The following PADI3 variants were observed in gnomAD, a reference collection of about 807,000 sequenced individuals.
PADI3 encodes protein-arginine deiminase type-3.
A neutral mutation model predicts 71.5 loss-of-function variants in PADI3; 53 were observed. That is an observed-to-expected ratio of 0.74 (90% CI 0.59 to 0.93). PADI3 has a LOEUF of 0.93. Ranked by LOEUF, PADI3 falls within the 40% of genes least tolerant of loss-of-function variation. The probability of loss-of-function intolerance (pLI) is 0.00; values close to 1 mark genes in which losing one functional copy is unlikely to be tolerated. For missense variants in PADI3, 821 were observed against 868.0 expected, an observed-to-expected ratio of 0.95 and a Z score of 0.68; for synonymous variants, 361 against 347.5, an observed-to-expected ratio of 1.04 and a Z score of -0.43.
At chr1:17,271,968 C>A (rs981561884) in intron 9 of PADI3, among the ~76,000 whole-genome samples, 1 of 152,034 alleles carries the variant, frequency 6.6e-6, no homozygotes, top group Non-Finnish European at 1.5e-5. Flanking sequence ...TCAGTGAAGA[C>A]CTCCAGGAGG....
chr1:17,280,854 G>A (rs1354264664), intron 15 of PADI3, 58 bp downstream of exon 15: 2 of 1,592,426 alleles, frequency 1.3e-6, no homozygotes, highest in Non-Finnish European at 1.7e-6. Context: ...CTAAGCTCGA[G>A]AGAGGAAAAA....
chr1:17,265,325 G>C (rs987335568), intron 3 of PADI3, among the ~76,000 whole-genome samples: 1 of 151,810 alleles, frequency 6.6e-6, no homozygotes, highest in Admixed American at 6.5e-5. Flanking sequence ...ATTCCAAGGA[G>C]ATGAGGCAGC....
In PADI3 at chr1:17,267,961, C is replaced by T. The variant is rs142357785; in HGVS notation, c.651C>T (p.Cys217=). The change falls in exon 6 of 16, where the codon TGC becomes TGT. Residue 217 remains cysteine (C), a splice_region_variant and synonymous_variant. Transcript: ENST00000375460. The stretch of plus-strand genomic sequence containing the variant: ...AACGGGCACAGGTCTTCCACATCTG[C>T]GGTGAGTTTGTGCCACTGCCCCTTG... The part of the protein sequence containing the change: ...DAKRAQVFHI[C]GPEDVCEAYR... 4.9e-4 allele frequency: 794 copies of T among 1,614,070 alleles called. No individual in the cohort carries two copies. The highest frequency in any genetic ancestry group is 5.9e-4 in the Non-Finnish European group (695 of 1,180,026).
intron 9 of PADI3, among the ~76,000 whole-genome samples, chr1:17,271,672 C>T (rs1319341226): frequency 6.6e-6 from 1 of 151,560 alleles, no homozygotes. Flanking sequence ...CATGGTGAAA[C>T]CCTGTCTCTG....
intron 11 of PADI3, among the ~76,000 whole-genome samples, 200 bp downstream of exon 11, chr1:17,274,986 G>A (rs569816137): frequency 6.6e-6 from 1 of 152,308 alleles, no homozygotes; most frequent in South Asian, 2.1e-4. Flanking sequence ...TGAAACCAGA[G>A]AGAGCAGAGA....
Position 17,259,766 on chromosome 1 carries a change from G to T in PADI3, c.273+8G>T, listed in dbSNP as rs2073080558. On this transcript the variant is annotated splice_region_variant and intron_variant, in intron 2 of 15. Transcript: ENST00000375460. The stretch of plus-strand genomic sequence containing the variant: ...GACCTCAACGACAGCCATGTGAGCT[G>T]GTCCCTGGTGGGGTGGGGAGAGGTT... 6.3e-7 allele frequency: 1 copy of T among 1,590,560 alleles called. No homozygotes were observed. The highest frequency in any genetic ancestry group is 8.6e-7 in the Non-Finnish European group (1 of 1,164,236).
At chr1:17,273,972 TGC>T (rs1405124288) in intron 10 of PADI3, among the ~76,000 whole-genome samples, 2 of 152,176 alleles carry the variant, frequency 1.3e-5, no homozygotes, top group African/African-American at 2.4e-5. Context: ...GGAGTGTGTG[TGC>T]GCGCACCACT....
At chr1:17,271,438 C>T (rs1324913748) in intron 9 of PADI3, among the ~76,000 whole-genome samples, 1 of 152,238 alleles carries the variant, frequency 6.6e-6, no homozygotes, top group African/African-American at 2.4e-5. Context: ...GTGTGAGACA[C>T]ACACTCCCTG....
In PADI3 at chr1:17,262,117, G is replaced by A. The variant is rs79862987; in HGVS notation, c.274-16G>A. The A allele has an allele frequency of 6.3e-3, 10,171 of 1,611,346 alleles. 69 individuals are homozygous for A. Among genetic ancestry groups the A allele is most frequent in the Middle Eastern group, 0.029 (174 of 6,054 alleles). On this transcript the variant is annotated splice_polypyrimidine_tract_variant and intron_variant, in intron 2 of 15. Transcript: ENST00000375460. ...TTGGCTTCTGCTGGTATTACTCTGC[G>A]CCCAACTCTCCACAGGTTCAGATTT...
chr1:17,249,353 C>T, intron 1 of PADI3, 124 bp downstream of exon 1: 1 of 769,110 alleles, frequency 1.3e-6, no homozygotes, highest in Admixed American at 2.0e-5. Flanking sequence ...GAACAGCAGC[C>T]AATCAGGGAA....
rs754410521 is a variant in PADI3 at position 17,249,157 on chromosome 1, T to A, written c.20T>A (p.Val7Glu). MSLQRI[V>E]RVSLEHPTSA... ...ACCAGCATGTCGCTGCAGAGAATCG[T>A]GCGTGTGTCCCTGGAGCATCCCACC... is the stretch of plus-strand genomic sequence containing the variant. The change falls in exon 1 of 16, where the codon GTG becomes GAG. Residue 7 changes from valine to glutamate, a missense_variant. Transcript: ENST00000375460. 46 of 1,614,064 alleles carry A rather than the reference T, an allele frequency of 2.8e-5. No individual in the cohort carries two copies. The East Asian group carries it at 1.0e-3, about 36-fold the overall frequency.
chr1:17,263,562 T>G (rs2073128073), intron 3 of PADI3, among the ~76,000 whole-genome samples: 2 of 152,210 alleles, frequency 1.3e-5, no homozygotes, highest in South Asian at 2.1e-4. Flanking sequence ...AAAGAATATC[T>G]TTGTACCCTC....
chr1:17,258,183 T>G (rs2073051709), intron 1 of PADI3, among the ~76,000 whole-genome samples: 1 of 152,230 alleles, frequency 6.6e-6, no homozygotes, highest in African/African-American at 2.4e-5. Flanking sequence ...TGTCAGTCAC[T>G]GTTATCCCCC....
intron 1 of PADI3, among the ~76,000 whole-genome samples, chr1:17,249,474 CGGGGGCTTGGA>C (rs1223346901): frequency 6.6e-6 from 1 of 152,026 alleles, no homozygotes. Context: ...AGCTCCAGAC[CGGGGGCTTGGA>C]GGGGGCTGGT....
chr1:17,281,732 C>T lies in PADI3; in HGVS notation c.1761+936C>T, dbSNP rs1013989044. Among the ~76,000 whole-genome samples the T allele has an allele frequency of 2.0e-5, 3 of 152,314 alleles. No individual in the cohort carries two copies. The East Asian group carries it at 5.8e-4, about 29-fold the overall frequency. On this transcript the variant is annotated intron_variant, in intron 15 of 15. Transcript: ENST00000375460. ...CCTCCCAAAGTGCTGGGATTACAGGCGGAAGCCACCGTGCTTGGCCTGCTT... is the reference window on the plus strand; with the variant it reads ...CCTCCCAAAGTGCTGGGATTACAGGTGGAAGCCACCGTGCTTGGCCTGCTT...
chr1:17,249,220 A>G lies in PADI3; in HGVS notation c.83A>G (p.Asp28Gly), dbSNP rs2072935492. The G allele has an allele frequency of 6.2e-7, 1 of 1,613,484 alleles. No homozygotes were observed. The highest frequency in any genetic ancestry group is 1.3e-5 in the African/African-American group (1 of 74,874). The part of the protein sequence containing the change: ...VCVAGVETLV[D>G]IYGSVPEGTE... ...GTGGCTGGCGTGGAGACCCTCGTGGACATTTATGGGTAAGAGTCAGAGGCC... is the reference window on the plus strand; with the variant it reads ...GTGGCTGGCGTGGAGACCCTCGTGGGCATTTATGGGTAAGAGTCAGAGGCC... The change falls in exon 1 of 16, where the codon GAC becomes GGC. Residue 28 changes from aspartate to glycine, a missense_variant. Asp to Gly is a moderately conservative substitution (Grantham distance 94). Coordinates refer to ENST00000375460, the MANE Select transcript of PADI3 (RefSeq NM_016233.2).
intron 1 of PADI3, among the ~76,000 whole-genome samples, chr1:17,254,155 C>A (rs937412559): frequency 1.2e-4 from 18 of 152,280 alleles, no homozygotes; most frequent in African/African-American, 4.3e-4. Context: ...ACAGTGGGAC[C>A]ATGATTTCCT....
intron 6 of PADI3, among the ~76,000 whole-genome samples, chr1:17,268,404 C>CTGTT (rs1421722850): frequency 6.6e-6 from 1 of 150,666 alleles, no homozygotes; most frequent in African/African-American, 2.5e-5. Flanking sequence ...ATATAGATGG[C>CTGTT]TGTTGTTTTA....
chr1:17,271,044 C>T, intron 8 of PADI3, 23 bp from the exon 9 acceptor site: 1 of 1,613,780 alleles, frequency 6.2e-7, no homozygotes, highest in Non-Finnish European at 8.5e-7. Context: ...TCCTGAGCCC[C>T]TCTTCCCTGG....
Sources: allele counts gnomAD v4.1 joint callset (sites outside exome capture counted in the v4.1 genomes callset), GRCh38; gene constraint gnomAD v4.1.1; transcripts MANE v1.5; gene names NCBI Gene and HGNC (gene_info 2026-07-23, HGNC 2026-07-21).